The following SH3TC2 variants were observed in gnomAD, a reference collection of about 807,000 sequenced individuals.
SH3TC2 encodes the protein SH3 domain and tetratricopeptide repeat-containing protein 2.
A neutral mutation model predicts 124.5 loss-of-function variants in SH3TC2; 87 were observed. The observed-to-expected ratio is 0.70, with a 90% confidence interval of 0.59 to 0.84. The LOEUF (loss-of-function observed/expected upper bound fraction) is 0.84, where lower values mean the gene tolerates loss of function less well. SH3TC2 is among the 40% of genes least tolerant of loss of function. SH3TC2 has a pLI of 0.00. For synonymous variants in SH3TC2, 634 were observed against 628.5 expected (o/e 1.01, Z -0.13); for missense variants, 1,536 against 1,566.4 (o/e 0.98, Z 0.33).
intron 12 of SH3TC2, among the ~76,000 whole-genome samples, chr5:149,020,088 A>C (rs1474414350): frequency 4.0e-5 from 6 of 149,748 alleles, no homozygotes; most frequent in Non-Finnish European, 7.4e-5. Flanking sequence ...TGGTGAAAAC[A>C]TGTGGAGCAA....
Position 148,993,285 on chromosome 5 carries a change from G to A in SH3TC2, c.*11426C>T, listed in dbSNP as rs1002791722. Among the ~76,000 whole-genome samples, 5 of 152,080 alleles carry A rather than the reference G, an allele frequency of 3.3e-5. No homozygotes were observed. The highest frequency in any genetic ancestry group is 7.3e-5 in the Non-Finnish European group (5 of 68,030). ...TTTGACTTAGTAGAAATAAAACTACGATGGAAAATTCAGTGGCAGAAGCTA... is the reference window on the plus strand; with the variant it reads ...TTTGACTTAGTAGAAATAAAACTACAATGGAAAATTCAGTGGCAGAAGCTA... On this transcript the variant is annotated 3_prime_UTR_variant, in exon 17 of 17. Transcript: ENST00000515425.
chr5:149,014,110 T>C (rs573941698), intron 12 of SH3TC2, among the ~76,000 whole-genome samples: 5 of 152,224 alleles, frequency 3.3e-5, no homozygotes, highest in African/African-American at 9.7e-5. Context: ...TCCCTTCTTC[T>C]GAGTAGCAAC....
At chr5:149,016,075 G>A (rs1753868299) in intron 12 of SH3TC2, among the ~76,000 whole-genome samples, 2 of 152,166 alleles carry the variant, frequency 1.3e-5, no homozygotes, top group South Asian at 4.1e-4. Context: ...AACAATGGTA[G>A]TATTATTACC....
chr5:149,026,777 T>C, intron 11 of SH3TC2, 25 bp from the exon 12 acceptor site: 2 of 1,614,188 alleles, frequency 1.2e-6, no homozygotes, highest in Non-Finnish European at 1.7e-6. Flanking sequence ...GGGACATGAA[T>C]GAGATGACTT....
At chr5:149,048,088 C>T (rs1754497759) in intron 2 of SH3TC2, 99 bp from the exon 3 acceptor site, 1 of 1,518,522 alleles carries the variant, frequency 6.6e-7, no homozygotes, top group Non-Finnish European at 9.1e-7. Flanking sequence ...TATACCTGAA[C>T]CCTCAACTGG....
chr5:149,054,419 G>T (rs775259870), intron 1 of SH3TC2, among the ~76,000 whole-genome samples: 2 of 152,116 alleles, frequency 1.3e-5, no homozygotes, highest in Non-Finnish European at 2.9e-5. Context: ...TTCAGTATTT[G>T]AAAGCTGAGG....
chr5:149,010,720 T>A (rs772650963), intron 13 of SH3TC2, among the ~76,000 whole-genome samples: 1 of 152,164 alleles, frequency 6.6e-6, no homozygotes, highest in Non-Finnish European at 1.5e-5. Flanking sequence ...AACCTGCAAC[T>A]TTAGATAGTA....
intron 1 of SH3TC2, among the ~76,000 whole-genome samples, chr5:149,061,056 A>C (rs1754737935): frequency 6.6e-6 from 1 of 152,208 alleles, no homozygotes. Flanking sequence ...TGACACATAC[A>C]GGGAATAATA....
At chr5:149,044,207 A>T (rs1420181471) in intron 4 of SH3TC2, 1 of 318,800 alleles carries the variant, frequency 3.1e-6, no homozygotes, top group Non-Finnish European at 6.1e-6. Flanking sequence ...TAAAACACAC[A>T]CACTAGCACC....
intron 1 of SH3TC2, among the ~76,000 whole-genome samples, chr5:149,060,076 A>G (rs40521): frequency 0.33 from 50,034 of 152,090 alleles, 9,342 homozygotes; most frequent in African/African-American, 0.5. Flanking sequence ...GATGATTCAC[A>G]TTTATCAAAA....
In SH3TC2 at chr5:149,008,996, T is replaced by C; in HGVS notation, c.3333A>G (p.Gly1111=). 6.2e-7 allele frequency: 1 copy of C among 1,614,122 alleles called. No individual in the cohort carries two copies. Among genetic ancestry groups the C allele is most frequent in the Non-Finnish European group, 8.5e-7 (1 of 1,180,012 alleles). The change falls in exon 15 of 17, where the codon GGA becomes GGG. Residue 1111 remains glycine (G), a synonymous_variant. Coordinates refer to ENST00000515425, the MANE Select transcript of SH3TC2 (RefSeq NM_024577.4). ...TCAACCTCCTTGCTAAAGGAACAGC[T>C]CCAGCCTAGGAACAGAAGCCCAAGG... ...RHHAVEYYRA[G]AVPLARRLKA... is the part of the protein sequence containing the mutation.
Position 149,021,884 on chromosome 5 carries a change from C to CTTTTTT in SH3TC2, c.3053+4682_3053+4687dup, listed in dbSNP as rs869151294. 6.1e-4 allele frequency among the ~76,000 whole-genome samples: 20 copies of CTTTTTT among 32,858 alleles called. 5 individuals carry two copies. Among genetic ancestry groups the CTTTTTT allele is most frequent in the African/African-American group, 1.1e-3 (8 of 7,116 alleles). 21.6% of individuals were successfully genotyped at this position (32,858 alleles called of 152,430 possible). A position where few individuals can be genotyped will look rare whatever the true frequency, so the allele number is the denominator to read the frequency against. On this transcript the variant is annotated intron_variant, in intron 12 of 16. Transcript: ENST00000515425. ...AACACCAATCCTTCACAAACTCTTT[C>CTTTTTT]TTTTTTTTTTTTTTTTTTTTTTTTT...
chr5:149,005,153 A>G lies in SH3TC2; in HGVS notation c.3676-251T>C, dbSNP rs79910173. 0.04 allele frequency among the ~76,000 whole-genome samples: 6,073 copies of G among 152,092 alleles called. 398 individuals are homozygous for G. Among genetic ancestry groups the G allele is most frequent in the African/African-American group, 0.14 (5,671 of 41,440 alleles). Reference sequence around the variant, plus strand: ...GTGGTCCCTTACTGAGGCTCAGCCAATCATGAAACATCATTGCCCTGGGCA... The same window carrying G: ...GTGGTCCCTTACTGAGGCTCAGCCAGTCATGAAACATCATTGCCCTGGGCA... On this transcript the variant is annotated intron_variant, in intron 16 of 16. Transcript: ENST00000515425.
chr5:149,004,978 G>A, intron 16 of SH3TC2, 76 bp from the exon 17 acceptor site: 1 of 1,548,406 alleles, frequency 6.5e-7, no homozygotes, highest in East Asian at 2.2e-5. Context: ...GGCTGTGCTG[G>A]CCACTCTAGT....
At position 148,997,382 on chromosome 5, in the gene SH3TC2, G is replaced by T. The variant is rs1410831153; in HGVS notation, c.*7329C>A. 6.6e-6 allele frequency among the ~76,000 whole-genome samples: 1 copy of T among 152,202 alleles called. No homozygotes were observed. Among genetic ancestry groups the T allele is most frequent in the Non-Finnish European group, 1.5e-5 (1 of 68,040 alleles). On this transcript the variant is annotated 3_prime_UTR_variant, in exon 17 of 17. Transcript: ENST00000515425. ...TGACCAATCACTACTATAGGTCAAA[G>T]CTTTCTGTTCCTCCTTCTATTTTCC...
chr5:149,019,163 A>C (rs937293775), intron 12 of SH3TC2, among the ~76,000 whole-genome samples: 1 of 152,244 alleles, frequency 6.6e-6, no homozygotes, highest in Non-Finnish European at 1.5e-5. Context: ...CTTTTGTCAG[A>C]CAGTGAGAAC....
In SH3TC2 at chr5:149,016,488, A is replaced by C. The variant is rs1337247707; in HGVS notation, c.3054-3754T>G. Reference sequence around the variant, plus strand: ...TATAGCCTTGTGATCAGATGATGACATTTCAGGAAAAGCAATTCTTTCCTT... The same window carrying C: ...TATAGCCTTGTGATCAGATGATGACCTTTCAGGAAAAGCAATTCTTTCCTT... On this transcript the variant is annotated intron_variant, in intron 12 of 16. Transcript: ENST00000515425. Among the ~76,000 whole-genome samples the C allele has an allele frequency of 2.0e-5, 3 of 152,332 alleles. No homozygotes were observed. In the East Asian group the frequency reaches 5.8e-4, roughly 29 times the overall value.
At chr5:149,010,926 AG>A (rs1753773686) in intron 13 of SH3TC2, among the ~76,000 whole-genome samples, 1 of 152,250 alleles carries the variant, frequency 6.6e-6, no homozygotes, top group Admixed American at 6.5e-5. Flanking sequence ...GTGGCTCAAA[AG>A]AAAACAGAAC....
chr5:149,051,440 C>A (rs746125378), intron 2 of SH3TC2, among the ~76,000 whole-genome samples: 3 of 152,036 alleles, frequency 2.0e-5, no homozygotes, highest in Non-Finnish European at 2.9e-5. Flanking sequence ...TTCATTCAAC[C>A]ATTCATGTAT....
Sources: allele counts gnomAD v4.1 joint callset (sites outside exome capture counted in the v4.1 genomes callset), GRCh38; gene constraint gnomAD v4.1.1; transcripts MANE v1.5; gene names NCBI Gene and HGNC (gene_info 2026-07-23, HGNC 2026-07-21).